IL1RAPL1: variants seen among roughly 807,000 people sequenced by gnomAD.
The protein encoded by IL1RAPL1 is interleukin-1 receptor accessory protein-like 1.
A neutral mutation model predicts 48.4 loss-of-function variants in IL1RAPL1; 3 were observed. The ratio of observed to expected loss-of-function variants is 0.06; its 90% CI spans 0.03 to 0.16. The LOEUF (loss-of-function observed/expected upper bound fraction) is 0.16. Ranked by LOEUF, IL1RAPL1 falls within the 10% of genes least tolerant of loss-of-function variation. IL1RAPL1 has a pLI of 1.00. For synonymous variants in IL1RAPL1, 185 were observed against 187.7 expected, an observed-to-expected ratio of 0.99 and a Z score of 0.12; for missense variants, 349 against 530.6, an observed-to-expected ratio of 0.66 and a Z score of 3.36.
At chrX:29,252,124 G>T (rs1185900026) in intron 2 of IL1RAPL1, among the ~76,000 whole-genome samples, 1 of 110,248 alleles carries the variant, frequency 9.1e-6, no homozygotes, top group Non-Finnish European at 1.9e-5. Flanking sequence ...GTGGGGTAAG[G>T]GGAGGGGGGA....
In IL1RAPL1 at chrX:29,189,878, A is replaced by T. The variant is rs148024067; in HGVS notation, c.83-93060A>T. The stretch of plus-strand genomic sequence containing the variant: ...AGGCATTACTATTGATAATAATATA[A>T]TCCAGTTATGGGCCACACATTGTAT... On this transcript the variant is annotated intron_variant, in intron 2 of 10. Coordinates refer to ENST00000378993, the MANE Select transcript of IL1RAPL1 (RefSeq NM_014271.4). Among the ~76,000 whole-genome samples the T allele has an allele frequency of 5.6e-3, 630 of 111,766 alleles. 4 individuals carry two copies. The highest frequency in any genetic ancestry group is 0.018 in the African/African-American group (564 of 30,870).
chrX:29,459,050 G>T (rs192936702), intron 5 of IL1RAPL1, among the ~76,000 whole-genome samples: 1 of 111,816 alleles, frequency 8.9e-6, no homozygotes, highest in Non-Finnish European at 1.9e-5. Flanking sequence ...TAGATTTGGC[G>T]TGTGGTCCAT....
intron 2 of IL1RAPL1, among the ~76,000 whole-genome samples, chrX:29,244,127 C>A (rs1446562710): frequency 8.9e-6 from 1 of 111,943 alleles, no homozygotes; most frequent in Non-Finnish European, 1.9e-5. Flanking sequence ...ATACAGTCTT[C>A]CTGACACTGA....
intron 5 of IL1RAPL1, among the ~76,000 whole-genome samples, chrX:29,407,988 A>G (rs1470509697): frequency 8.9e-6 from 1 of 112,173 alleles, no homozygotes; most frequent in Non-Finnish European, 1.9e-5. Flanking sequence ...GTATTGATAT[A>G]CATTGCCATA....
chrX:28,758,388 G>A (rs1290952697), intron 1 of IL1RAPL1, among the ~76,000 whole-genome samples: 2 of 112,132 alleles, frequency 1.8e-5, no homozygotes, highest in Non-Finnish European at 3.8e-5. Flanking sequence ...TTTGAAGAGA[G>A]GAGTGGTGTT....
At chrX:29,294,565 G>A (rs1932421734) in intron 3 of IL1RAPL1, among the ~76,000 whole-genome samples, 2 of 107,924 alleles carry the variant, frequency 1.9e-5, no homozygotes, top group Admixed American at 1.0e-4. Flanking sequence ...GATTTTTCAA[G>A]CCATATAGTC....
At chrX:28,980,852 G>A (rs1360106905) in intron 2 of IL1RAPL1, among the ~76,000 whole-genome samples, 1 of 108,708 alleles carries the variant, frequency 9.2e-6, no homozygotes, top group Admixed American at 1.0e-4. Context: ...ACTTTGGGAG[G>A]TCAAAGCAGG....
chrX:29,646,910 G>C (rs1925348054), intron 5 of IL1RAPL1, among the ~76,000 whole-genome samples: 1 of 111,539 alleles, frequency 9.0e-6, no homozygotes, highest in Non-Finnish European at 1.9e-5. Flanking sequence ...GCAAACAAAA[G>C]TCAAGGGAGT....
chrX:28,889,594 C>T (rs187779022), intron 2 of IL1RAPL1, among the ~76,000 whole-genome samples: 344 of 111,273 alleles, frequency 3.1e-3, no homozygotes, highest in African/African-American at 0.011. Context: ...TTTTTTCACT[C>T]ATCTCTTCTC....
intron 3 of IL1RAPL1, among the ~76,000 whole-genome samples, chrX:29,335,111 C>CA (rs759581871): frequency 1.4e-3 from 143 of 104,882 alleles, no homozygotes; most frequent in South Asian, 3.9e-3. Flanking sequence ...CCGTCTCCAC[C>CA]AAAAAAAAAA....
intron 5 of IL1RAPL1, among the ~76,000 whole-genome samples, chrX:29,482,801 G>C (rs763900559): frequency 4.5e-5 from 5 of 111,674 alleles, no homozygotes; most frequent in Non-Finnish European, 9.4e-5. Flanking sequence ...CATCACCCAG[G>C]TACAATAATT....
chrX:28,972,068 C>T (rs192142420), intron 2 of IL1RAPL1, among the ~76,000 whole-genome samples: 46 of 110,673 alleles, frequency 4.2e-4, no homozygotes, highest in African/African-American at 5.6e-4. Context: ...TGCCTACTGC[C>T]GGAAACTTAT....
At chrX:29,392,249 T>C (rs1181448333) in intron 3 of IL1RAPL1, among the ~76,000 whole-genome samples, 8 of 112,545 alleles carry the variant, frequency 7.1e-5, no homozygotes, top group Non-Finnish European at 1.5e-4. Flanking sequence ...TGAGTAAATA[T>C]GTGCTAATGG....
intron 3 of IL1RAPL1, among the ~76,000 whole-genome samples, chrX:29,366,913 A>C (rs1440274611): frequency 5.4e-5 from 6 of 111,153 alleles, no homozygotes; most frequent in Non-Finnish European, 9.4e-5. Context: ...AAAATCAGGA[A>C]GATAACATTT....
At chrX:29,500,040 G>A (rs560263784) in intron 5 of IL1RAPL1, among the ~76,000 whole-genome samples, 7 of 109,272 alleles carry the variant, frequency 6.4e-5, no homozygotes, top group African/African-American at 2.3e-4. Flanking sequence ...GCAGTGGCAC[G>A]ATCTTGGCTC....
intron 2 of IL1RAPL1, among the ~76,000 whole-genome samples, chrX:29,069,573 C>T (rs1927518237): frequency 9.4e-6 from 1 of 106,209 alleles, no homozygotes; most frequent in Admixed American, 1.0e-4. Context: ...CACTAAATGG[C>T]ACACTAAACA....
chrX:29,702,277 G>A (rs1927074016), intron 6 of IL1RAPL1, among the ~76,000 whole-genome samples: 1 of 108,483 alleles, frequency 9.2e-6, no homozygotes, highest in Non-Finnish European at 1.9e-5. Flanking sequence ...AACCTTCCTA[G>A]GAATAGACTC....
chrX:28,704,827 CACACAAAAA>C (rs1301570693), intron 1 of IL1RAPL1, among the ~76,000 whole-genome samples: 15 of 38,195 alleles, frequency 3.9e-4, no homozygotes, highest in Non-Finnish European at 5.8e-4. Flanking sequence ...CACACACACA[CACACAAAAA>C]AAAAAAAAAA....
At chrX:29,912,302 T>TA (rs893705018) in intron 6 of IL1RAPL1, among the ~76,000 whole-genome samples, 3 of 111,513 alleles carry the variant, frequency 2.7e-5, no homozygotes, top group African/African-American at 9.8e-5. Context: ...AATGAAGCTT[T>TA]AAAAAAAGGG....
Sources: gnomAD v4.1 joint callset for allele counts (sites outside exome capture counted in the v4.1 genomes callset) on GRCh38, gnomAD v4.1.1 for gene constraint, MANE v1.5 for transcripts, NCBI Gene and HGNC (gene_info 2026-07-23, HGNC 2026-07-21) for gene names.